The following PRRG4 variants were observed in gnomAD, a reference collection of about 807,000 sequenced individuals.
PRRG4 encodes proline rich and Gla domain 4, also known as transmembrane gamma-carboxyglutamic acid protein 4.
Under a neutral mutation model 20.0 loss-of-function variants are expected in PRRG4, and 12 were observed. The ratio of observed to expected loss-of-function variants is 0.60; its 90% CI spans 0.38 to 0.97. PRRG4 has a LOEUF of 0.97. PRRG4 is among the 50% of genes least tolerant of loss of function. The pLI is 0.00. For missense variants in PRRG4, 199 were observed against 265.1 expected, an observed-to-expected ratio of 0.75 and a Z score of 1.73; for synonymous variants, 94 against 96.4, an observed-to-expected ratio of 0.98 and a Z score of 0.15.
chr11:32,836,191 C>T (rs1301175284), intron 2 of PRRG4, among the ~76,000 whole-genome samples: 1 of 151,964 alleles, frequency 6.6e-6, no homozygotes, highest in African/African-American at 2.4e-5. Context: ...AATGGCAGCC[C>T]AAAGAATATA....
In PRRG4 at chr11:32,836,659, GT is replaced by G. The variant is rs753896719; in HGVS notation, c.108del (p.Phe36LeufsTer30). On this transcript the variant is annotated frameshift_variant and splice_region_variant, in exon 3 of 6. Coordinates refer to ENST00000257836, the MANE Select transcript of PRRG4 (RefSeq NM_024081.6). LOFTEE classifies it high-confidence loss of function. ...KASKHAGEEV[F>X]TSKEEANFFI... The stretch of plus-strand genomic sequence containing the variant: ...AAGTCTTTTTCATTACTTTATTAGT[GT>G]TTACATCAAAAGAAGAAGCAAACTT... 1 of 1,534,082 alleles carries G rather than the reference GT, an allele frequency of 6.5e-7. No homozygotes were observed. The highest frequency in any genetic ancestry group is 9.0e-7 in the Non-Finnish European group (1 of 1,113,776).
chr11:32,853,593 T>C lies in PRRG4; in HGVS notation c.*66T>C. 1 of 1,270,890 alleles carries C rather than the reference T, an allele frequency of 7.9e-7. No homozygotes were observed. The highest frequency in any genetic ancestry group is 1.1e-6 in the Non-Finnish European group (1 of 888,398). The allele number at this position is 1,270,890 out of a possible 1,614,324, so 78.7% of individuals were successfully genotyped here. On this transcript the variant is annotated 3_prime_UTR_variant, in exon 6 of 6. Coordinates refer to ENST00000257836, the MANE Select transcript of PRRG4 (RefSeq NM_024081.6). ...TAGGCCGGGCATGGTGGCTCATGCC[T>C]GTAATCCCAGCACTTTGGGAGGCCA...
At chr11:32,837,541 G>GATGATTATTATT (rs1303509427) in intron 3 of PRRG4, among the ~76,000 whole-genome samples, 28 of 95,858 alleles carry the variant, frequency 2.9e-4, no homozygotes, top group East Asian at 1.2e-3. Flanking sequence ...TGATGATGAT[G>GATGATTATTATT]ATTATTATTA....
intron 5 of PRRG4, among the ~76,000 whole-genome samples, chr11:32,848,385 A>C (rs1476335949): frequency 1.3e-5 from 2 of 152,282 alleles, no homozygotes; most frequent in African/African-American, 4.8e-5. Flanking sequence ...TGAGCGGGGC[A>C]AAAACATTCA....
chr11:32,852,940 T>TTTA (rs1491133959), intron 5 of PRRG4, among the ~76,000 whole-genome samples: 1 of 4,110 alleles, frequency 2.4e-4, no homozygotes, highest in Non-Finnish European at 3.8e-4. Context: ...GCCCGGCTAA[T>TTTA]TTTTTTTTTT....
rs1223542735 is a variant in PRRG4, at chr11:32,856,035, T to C, written c.*2508T>C. The C allele has an allele frequency of 6.6e-6, 1 of 152,194 alleles. No individual in the cohort carries two copies. The highest frequency in any genetic ancestry group is 1.5e-5 in the Non-Finnish European group (1 of 68,040). The allele number at this position is 152,194 out of a possible 1,614,324, so 9.4% of individuals were successfully genotyped here. On this transcript the variant is annotated 3_prime_UTR_variant, in exon 6 of 6. Transcript: ENST00000257836. ...CATAATTCTAAGTTTGGGACAGAAA[T>C]TTACAAGCATTTCTCATATATACAT... is the stretch of plus-strand genomic sequence containing the variant.
upstream of PRRG4, chr11:32,829,795 T>G (rs1371946223): frequency 2.0e-6 from 2 of 985,196 alleles, no homozygotes; most frequent in Non-Finnish European, 2.4e-6. Context: ...GGGCAGAAGC[T>G]GGGGCGGCTG....
At chr11:32,830,304 A>G (rs1850955026) in intron 1 of PRRG4, 131 bp downstream of exon 1, 1 of 840,522 alleles carries the variant, frequency 1.2e-6, no homozygotes, top group African/African-American at 1.8e-5. Context: ...AGCCCTCGGC[A>G]GGGTCACTGG....
chr11:32,847,214 G>A (rs1273625657), intron 5 of PRRG4, among the ~76,000 whole-genome samples: 2 of 151,860 alleles, frequency 1.3e-5, no homozygotes, highest in Admixed American at 1.3e-4. Flanking sequence ...TTACAGGTGT[G>A]AGCCACTGCA....
rs1314421100 is a variant in PRRG4, at chr11:32,840,831, C to T, written c.449+592C>T. On this transcript the variant is annotated intron_variant, in intron 5 of 5. Coordinates refer to ENST00000257836, the MANE Select transcript of PRRG4 (RefSeq NM_024081.6). The surrounding 1 kb of genome is among the most constrained non-coding windows in gnomAD (Gnocchi z 4.1). The stretch of plus-strand genomic sequence containing the variant: ...CAGAGTTAACAGATCCACATGGCTA[C>T]CCAAATAGAAACAGTGTAACTGGCT... Among the ~76,000 whole-genome samples, 1 of 152,128 alleles carries T rather than the reference C, an allele frequency of 6.6e-6. No homozygotes were observed. The highest frequency in any genetic ancestry group is 1.5e-5 in the Non-Finnish European group (1 of 68,022).
chr11:32,842,945 G>A (rs1374000216), intron 5 of PRRG4, among the ~76,000 whole-genome samples: 1 of 151,312 alleles, frequency 6.6e-6, no homozygotes, highest in African/African-American at 2.4e-5. Flanking sequence ...TCTGCCTCCT[G>A]GGTTCAAGCA....
chr11:32,853,589 T>A lies in PRRG4; in HGVS notation c.*62T>A. The A allele has an allele frequency of 7.5e-7, 1 of 1,326,402 alleles. No homozygotes were observed. The highest frequency in any genetic ancestry group is 1.1e-6 in the Non-Finnish European group (1 of 936,938). 82.2% of individuals were successfully genotyped at this position (1,326,402 alleles called of 1,614,324 possible). A position where few individuals can be genotyped will look rare whatever the true frequency, so the allele number is the denominator to read the frequency against. On this transcript the variant is annotated 3_prime_UTR_variant, in exon 6 of 6. Transcript: ENST00000257836. ...TTGATAGGCCGGGCATGGTGGCTCA[T>A]GCCTGTAATCCCAGCACTTTGGGAG...
chr11:32,845,458 T>C (rs912506681), intron 5 of PRRG4, among the ~76,000 whole-genome samples: 1 of 151,686 alleles, frequency 6.6e-6, no homozygotes, highest in Non-Finnish European at 1.5e-5. Flanking sequence ...ACCCCGTCTC[T>C]CCTAAAAATA....
intron 5 of PRRG4, among the ~76,000 whole-genome samples, chr11:32,845,626 A>G (rs1425738239): frequency 7.6e-6 from 1 of 130,828 alleles, no homozygotes; most frequent in Non-Finnish European, 1.6e-5. Flanking sequence ...ACTCCGTTTC[A>G]AAAAAAAAAA....
Position 32,840,137 on chromosome 11 carries a change from G to A in PRRG4, c.347G>A (p.Gly116Asp). The change falls in exon 5 of 6, where the codon GGC becomes GAC. Residue 116 changes from glycine to aspartate, a missense_variant. Physicochemically the swap from Gly to Asp is moderately conservative, Grantham distance 94. Transcript: ENST00000257836. The surrounding 1 kb of genome is among the most constrained non-coding windows in gnomAD (Gnocchi z 4.1). Reference protein sequence around the residue: ...DGNREKIDVMGLLTGLIAAGV... With the variant: ...DGNREKIDVMDLLTGLIAAGV... ...AACAGAGAGAAAATAGATGTTATGG[G>A]CCTTCTGACTGGATTAATTGCTGCT... The A allele has an allele frequency of 6.2e-7, 1 of 1,606,478 alleles. No individual in the cohort carries two copies. Among genetic ancestry groups the A allele is most frequent in the Non-Finnish European group, 8.5e-7 (1 of 1,173,730 alleles).
At chr11:32,842,483 G>A (rs1370293643) in intron 5 of PRRG4, among the ~76,000 whole-genome samples, 2 of 152,156 alleles carry the variant, frequency 1.3e-5, no homozygotes, top group Non-Finnish European at 2.9e-5. Flanking sequence ...CATTTTGGAA[G>A]GCCAAGCCGG....
At chr11:32,844,328 T>C (rs1205670462) in intron 5 of PRRG4, among the ~76,000 whole-genome samples, 3 of 152,166 alleles carry the variant, frequency 2.0e-5, no homozygotes, top group Non-Finnish European at 4.4e-5. Flanking sequence ...TGGTACCCTC[T>C]GGTTTGTGTA....
chr11:32,830,364 T>C, intron 1 of PRRG4, 144 bp from the exon 2 acceptor site: 3 of 843,392 alleles, frequency 3.6e-6, no homozygotes, highest in Non-Finnish European at 3.3e-6. Context: ...TGGGCGCGCG[T>C]CGGGTTCCGG....
At position 32,841,054 on chromosome 11, in the gene PRRG4, G is replaced by A. The variant is rs191794556; in HGVS notation, c.449+815G>A. On this transcript the variant is annotated intron_variant, in intron 5 of 5. Coordinates refer to ENST00000257836, the MANE Select transcript of PRRG4 (RefSeq NM_024081.6). Reference sequence around the variant, plus strand: ...TCCCAGTAAGTATGGCTGAGTAGGCGTAGAAACAATCTTATTAAAAAAAAA... The same window carrying A: ...TCCCAGTAAGTATGGCTGAGTAGGCATAGAAACAATCTTATTAAAAAAAAA... Among the ~76,000 whole-genome samples, 1,087 of 148,058 alleles carry A rather than the reference G, an allele frequency of 7.3e-3. 12 individuals carry two copies. Among genetic ancestry groups the A allele is most frequent in the African/African-American group, 0.025 (995 of 40,054 alleles).
Sources: gnomAD v4.1 joint callset for allele counts (sites outside exome capture counted in the v4.1 genomes callset) on GRCh38, gnomAD v4.1.1 for gene constraint, Gnocchi (gnomAD v3.1) non-coding constraint, MANE v1.5 for transcripts, NCBI Gene and HGNC (gene_info 2026-07-23, HGNC 2026-07-21) for gene names.